Variants in PCDH10 observed in about 807,000 individuals in gnomAD.
PCDH10 encodes protocadherin 10.
PCDH10 carries 15 observed loss-of-function variants against 74.4 expected under a neutral mutation model. That is an observed-to-expected ratio of 0.20 (90% confidence interval 0.13 to 0.31). The LOEUF is 0.31. PCDH10 is among the 10% of genes least tolerant of loss of function. The pLI, the probability that PCDH10 is intolerant of heterozygous loss-of-function variation, is 1.00. For synonymous variants in PCDH10, 619 were observed against 589.8 expected, an observed-to-expected ratio of 1.05 and a Z score of -0.72; for missense variants, 1,260 against 1,390.2, an observed-to-expected ratio of 0.91 and a Z score of 1.49.
chr4:133,186,424 GA>G (rs1560714809), intron 4 of PCDH10, among the ~76,000 whole-genome samples: 1 of 151,710 alleles, frequency 6.6e-6, no homozygotes, highest in Non-Finnish European at 1.5e-5. Flanking sequence ...TGCATCACAA[GA>G]AAAAAATGCT....
Position 133,150,425 on chromosome 4 carries a change from G to A in PCDH10, c.285G>A (p.Leu95=). 6.2e-7 allele frequency: 1 copy of A among 1,614,020 alleles called. No individual in the cohort carries two copies. Among genetic ancestry groups the A allele is most frequent in the Non-Finnish European group, 8.5e-7 (1 of 1,180,008 alleles). ...AGAGCCCCTCCTGTGTCCTGCACCTGGAGGTCTTTCTGGAGAACCCCCTGG... is the reference window on the plus strand; with the variant it reads ...AGAGCCCCTCCTGTGTCCTGCACCTAGAGGTCTTTCTGGAGAACCCCCTGG... ...CKQSPSCVLH[L]EVFLENPLEL... is the part of the protein sequence containing the mutation. Residue 95 remains leucine (L), a synonymous_variant, in exon 1 of 5, where the codon CTG becomes CTA. Coordinates refer to ENST00000264360, the MANE Select transcript of PCDH10 (RefSeq NM_032961.3).
In PCDH10 at chr4:133,155,977, T is replaced by C. The variant is rs375938780; in HGVS notation, c.2797+954T>C. 3.3e-5 allele frequency among the ~76,000 whole-genome samples: 5 copies of C among 152,356 alleles called. No homozygotes were observed. The East Asian group carries it at 5.8e-4, about 18-fold the overall frequency. ...TGTGTTTATTTGACACATGAAGAAA[T>C]AGAAAGGCTAGTCAACTTTTCTAAC... On this transcript the variant is annotated intron_variant, in intron 3 of 4. Transcript: ENST00000264360.
chr4:133,197,969 T>TTGTGTGTGTG (rs70957500), downstream of PCDH10, among the ~76,000 whole-genome samples: 1,158 of 145,018 alleles, frequency 8.0e-3, 6 homozygotes, highest in African/African-American at 0.022. Flanking sequence ...TCTCTCAAAA[T>TTGTGTGTGTG]TGTGTGTGTG....
In PCDH10 at chr4:133,178,459, CTCT is replaced by C. The variant is rs1395598757; in HGVS notation, c.3104-11681_3104-11679del. Among the ~76,000 whole-genome samples the C allele has an allele frequency of 3.3e-4, 50 of 152,106 alleles. No individual in the cohort carries two copies. The East Asian group carries it at 8.7e-3, about 27-fold the overall frequency. On this transcript the variant is annotated intron_variant, in intron 4 of 4. Transcript: ENST00000264360. ...CCATGTTGGTCAGGCTGGTCTCGAA[CTCT>C]CGACCTCAGGTGATTGGTCTGCCTT...
At chr4:133,168,805 TATTC>T (rs1388208815) in intron 4 of PCDH10, among the ~76,000 whole-genome samples, 1 of 151,694 alleles carries the variant, frequency 6.6e-6, no homozygotes, top group Non-Finnish European at 1.5e-5. Context: ...TGTCATTATT[TATTC>T]ATTCATTTAT....
chr4:133,174,510 A>G (rs1470623318), intron 4 of PCDH10, among the ~76,000 whole-genome samples: 1 of 151,884 alleles, frequency 6.6e-6, no homozygotes, highest in Non-Finnish European at 1.5e-5. Flanking sequence ...GAAATAAGAC[A>G]AAATAAAGAC....
chr4:133,155,109 C>A, intron 3 of PCDH10, 86 bp downstream of exon 3: 1 of 877,040 alleles, frequency 1.1e-6, no homozygotes, highest in Non-Finnish European at 1.9e-6. Flanking sequence ...ATGTCCTAGG[C>A]AATTTTCCAT....
At chr4:133,178,072 G>C (rs528599214) in intron 4 of PCDH10, among the ~76,000 whole-genome samples, 93 of 152,202 alleles carry the variant, frequency 6.1e-4, no homozygotes, top group African/African-American at 2.2e-3. Flanking sequence ...ATTCTAGCTT[G>C]TCCAATCTAT....
chr4:133,151,292 C>T lies in PCDH10; in HGVS notation c.1152C>T (p.Asp384=). The T allele has an allele frequency of 6.2e-7, 1 of 1,614,156 alleles. No individual in the cohort carries two copies. Among genetic ancestry groups the T allele is most frequent in the East Asian group, 2.2e-5 (1 of 44,860 alleles). The stretch of plus-strand genomic sequence containing the variant: ...TGGTGGCCCTTTTCAGCGTGACTGA[C>T]CGCGACTCAGAGGAGAATGGGCAGG... ...GTVVALFSVT[D]RDSEENGQVQ... The change falls in exon 1 of 5, where the codon GAC becomes GAT. Residue 384 remains aspartate (D), a synonymous_variant. Transcript: ENST00000264360.
In PCDH10 at chr4:133,150,049, T is replaced by A. The variant is rs910191727; in HGVS notation, c.-92T>A. 9 of 1,449,696 alleles carry A rather than the reference T, an allele frequency of 6.2e-6. No homozygotes were observed. In the Admixed American group the frequency reaches 2.1e-4, roughly 33 times the overall value. The allele number at this position is 1,449,696 out of a possible 1,614,324, so 89.8% of individuals were successfully genotyped here. A position where few individuals can be genotyped will look rare whatever the true frequency, so the allele number is the denominator to read the frequency against. ...CCCCCACGTAGCGCACTTTTATTTG[T>A]ATTTTTTCAGATTTTTTTTTGTTTC... On this transcript the variant is annotated 5_prime_UTR_variant, in exon 1 of 5. Transcript: ENST00000264360.
At position 133,153,888 on chromosome 4, in the gene PCDH10, A is replaced by C. The variant is rs1040374834; in HGVS notation, c.2632-419A>C. On this transcript the variant is annotated intron_variant, in intron 1 of 4. Transcript: ENST00000264360. ...CAACATAATTCCATGAAATATCCAA[A>C]CTTTTTGCTTATTGAGCGTGCTGTT... 5.7e-4 allele frequency: 93 copies of C among 162,636 alleles called. 1 individual carries two copies. The highest frequency in any genetic ancestry group is 2.1e-3 in the African/African-American group (89 of 41,706). The allele number at this position is 162,636 out of a possible 1,614,324, so 10.1% of individuals were successfully genotyped here. A position where few individuals can be genotyped will look rare whatever the true frequency, so the allele number is the denominator to read the frequency against.
At chr4:133,184,421 G>A (rs1422177201) in intron 4 of PCDH10, among the ~76,000 whole-genome samples, 2 of 151,702 alleles carry the variant, frequency 1.3e-5, no homozygotes, top group African/African-American at 2.4e-5. Context: ...CCAGAAGTTC[G>A]AGACCAGCCT....
chr4:133,172,902 G>T (rs1454056909), intron 4 of PCDH10, among the ~76,000 whole-genome samples: 6 of 151,970 alleles, frequency 3.9e-5, no homozygotes, highest in Admixed American at 2.6e-4. Context: ...AAAATACAGT[G>T]TTCTCCTTGG....
intron 4 of PCDH10, among the ~76,000 whole-genome samples, chr4:133,169,907 A>G (rs1727168999): frequency 6.6e-6 from 1 of 152,138 alleles, no homozygotes; most frequent in African/African-American, 2.4e-5. Flanking sequence ...AACTGTTTCG[A>G]ACACTGAGAT....
At chr4:133,199,289 A>AAATAATAACAAT (rs1727855113), downstream of PCDH10, among the ~76,000 whole-genome samples, 1 of 136,674 alleles carries the variant, frequency 7.3e-6, no homozygotes, top group African/African-American at 2.8e-5. Context: ...CCCTGTCTCA[A>AAATAATAACAAT]AATAATAATA....
rs1278661637 is a variant in PCDH10 at position 133,192,637 on chromosome 4, A to G, written c.*2477A>G. ...CTAACTTACATTTTAGTTATCATCA[A>G]TCTACAAAACCAAAACCAGAACTTC... On this transcript the variant is annotated 3_prime_UTR_variant, in exon 5 of 5. Transcript: ENST00000264360. 2 of 151,544 alleles carry G rather than the reference A, an allele frequency of 1.3e-5. No individual in the cohort carries two copies. The highest frequency in any genetic ancestry group is 6.6e-5 in the Admixed American group (1 of 15,180). 9.4% of individuals were successfully genotyped at this position (151,544 alleles called of 1,614,324 possible). A position where few individuals can be genotyped will look rare whatever the true frequency, so the allele number is the denominator to read the frequency against.
rs1726594112 is a variant in PCDH10, at chr4:133,149,526, G to C, written c.-615G>C. On this transcript the variant is annotated 5_prime_UTR_variant, in exon 1 of 5. Coordinates refer to ENST00000264360, the MANE Select transcript of PCDH10 (RefSeq NM_032961.3). ...CGAAAGAGGAAAAAAATGTCAAGAA[G>C]AACATCCATCCGGAGAAATGAAGAG... 1.3e-5 allele frequency: 2 copies of C among 152,376 alleles called. No individual in the cohort carries two copies. Among genetic ancestry groups the C allele is most frequent in the Non-Finnish European group, 2.9e-5 (2 of 68,178 alleles). 9.4% of individuals were successfully genotyped at this position (152,376 alleles called of 1,614,324 possible). A position where few individuals can be genotyped will look rare whatever the true frequency, so the allele number is the denominator to read the frequency against.
rs1434174264 is a variant in PCDH10, at chr4:133,150,915, C to T, written c.775C>T (p.Leu259=). 6.2e-7 allele frequency: 1 copy of T among 1,613,746 alleles called. No individual in the cohort carries two copies. Among genetic ancestry groups the T allele is most frequent in the Non-Finnish European group, 8.5e-7 (1 of 1,180,022 alleles). The stretch of plus-strand genomic sequence containing the variant: ...CGACCAACCCGTCTACACTGTGTCC[C>T]TACCAGAGAACTCTCCCCCAGGCAC... ...AFDQPVYTVS[L]PENSPPGTLV... Residue 259 remains leucine, a synonymous_variant, in exon 1 of 5, where the codon CTA becomes TTA. Coordinates refer to ENST00000264360, the MANE Select transcript of PCDH10 (RefSeq NM_032961.3).
At chr4:133,154,411 T>C in intron 2 of PCDH10, 46 bp downstream of exon 2, 2 of 1,076,620 alleles carry the variant, frequency 1.9e-6, no homozygotes, top group Non-Finnish European at 2.8e-6. Context: ...ATTTACAACC[T>C]AGTAAAAGTA....
Sources: gnomAD v4.1 joint callset for allele counts (sites outside exome capture counted in the v4.1 genomes callset) on GRCh38, gnomAD v4.1.1 for gene constraint, MANE v1.5 for transcripts, NCBI Gene and HGNC (gene_info 2026-07-23, HGNC 2026-07-21) for gene names.